Variants in MCF2L2 observed in about 807,000 individuals in gnomAD.
MCF2L2 encodes MCF.2 cell line derived transforming sequence-like 2.
In MCF2L2, 102 loss-of-function variants were observed where a neutral mutation model predicts 150.2. The ratio of observed to expected loss-of-function variants is 0.68; its 90% CI spans 0.58 to 0.80. The LOEUF (loss-of-function observed/expected upper bound fraction) is 0.80, where lower values mean the gene tolerates loss of function less well. Among genes scored for constraint, MCF2L2 ranks in the 30% least tolerant of loss-of-function variants. The pLI is 0.00. For missense variants in MCF2L2, 1,256 were observed against 1,372.8 expected (o/e 0.91, Z 1.34); for synonymous variants, 465 against 491.3 (o/e 0.95, Z 0.71).
At chr3:183,396,199 TTA>T (rs1016943431) in intron 1 of MCF2L2, among the ~76,000 whole-genome samples, 5 of 152,110 alleles carry the variant, frequency 3.3e-5, no homozygotes, top group South Asian at 2.1e-4. Context: ...AGCTCTTGGT[TTA>T]TGTCCTCAAA....
At chr3:183,381,890 A>G (rs1577109052) in intron 2 of MCF2L2, among the ~76,000 whole-genome samples, 1 of 152,188 alleles carries the variant, frequency 6.6e-6, no homozygotes, top group East Asian at 1.9e-4. Flanking sequence ...AGAAATGTGC[A>G]TTCAGAGAAT....
Position 183,277,076 on chromosome 3 carries a change from C to A in MCF2L2, c.1777-119G>T. 6.2e-6 allele frequency: 4 copies of A among 646,694 alleles called. No individual in the cohort carries two copies. The South Asian group carries it at 8.0e-5, about 13-fold the overall frequency. The allele number at this position is 646,694 out of a possible 1,614,324, so 40.1% of individuals were successfully genotyped here. A position where few individuals can be genotyped will look rare whatever the true frequency, so the allele number is the denominator to read the frequency against. ...TTGAGTCTCTCGATAAGCAAAATAT[C>A]CAGTTTCTCATGCCGCTTTCTCAGG... On this transcript the variant is annotated intron_variant, in intron 14 of 29. Transcript: ENST00000328913.
At chr3:183,377,129 C>T (rs1419556891) in intron 3 of MCF2L2, 1 of 152,146 alleles carries the variant, frequency 6.6e-6, no homozygotes, top group Non-Finnish European at 1.5e-5. Context: ...CACCTGTCAA[C>T]CCATCATCCA....
chr3:183,423,796 G>A (rs867812486), intron 1 of MCF2L2, among the ~76,000 whole-genome samples: 1 of 151,900 alleles, frequency 6.6e-6, no homozygotes, highest in Non-Finnish European at 1.5e-5. Context: ...GCATCACCAC[G>A]CCTGGCTAAT....
In MCF2L2 at chr3:183,323,051, A is replaced by G. The variant is rs146592681; in HGVS notation, c.603+184T>C. ...GATGCAGTGGGGTAAGGTGGTCAAC[A>G]GGAGAAATCCCAGCCTTCGCCCTTC... On this transcript the variant is annotated intron_variant, in intron 6 of 29. Coordinates refer to ENST00000328913, the MANE Select transcript of MCF2L2 (RefSeq NM_015078.4). 1.6e-3 allele frequency among the ~76,000 whole-genome samples: 243 copies of G among 152,308 alleles called. 1 individual carries two copies. The highest frequency in any genetic ancestry group is 0.01 in the Middle Eastern group (3 of 294).
intron 3 of MCF2L2, among the ~76,000 whole-genome samples, chr3:183,364,464 G>A (rs1169097958): frequency 6.6e-6 from 1 of 152,042 alleles, no homozygotes; most frequent in Non-Finnish European, 1.5e-5. Context: ...AGCTTGCAGT[G>A]AGCCAAGATC....
chr3:183,394,184 T>C (rs758408701), intron 1 of MCF2L2, among the ~76,000 whole-genome samples: 1 of 152,122 alleles, frequency 6.6e-6, no homozygotes, highest in Non-Finnish European at 1.5e-5. Flanking sequence ...TCAAACTAGA[T>C]CTCAACAACT....
intron 2 of MCF2L2, among the ~76,000 whole-genome samples, chr3:183,387,308 T>G (rs1300877489): frequency 6.7e-6 from 1 of 148,906 alleles, no homozygotes; most frequent in Non-Finnish European, 1.5e-5. Context: ...CAAACTTAAA[T>G]GACAAAAGGA....
At chr3:183,409,561 T>C (rs2108620456) in intron 1 of MCF2L2, among the ~76,000 whole-genome samples, 1 of 150,650 alleles carries the variant, frequency 6.6e-6, no homozygotes, top group Admixed American at 6.6e-5. Flanking sequence ...CTTTTTTTTT[T>C]TTTTTTTTTT....
intron 4 of MCF2L2, among the ~76,000 whole-genome samples, chr3:183,340,489 A>T (rs551890585): frequency 6.6e-6 from 1 of 152,256 alleles, no homozygotes; most frequent in African/African-American, 2.4e-5. Context: ...GGAAGGACAC[A>T]TCTACTTGCT....
At chr3:183,272,208 T>C (rs570717245) in intron 15 of MCF2L2, 1 of 999,986 alleles carries the variant, frequency 1.0e-6, no homozygotes, top group African/African-American at 1.7e-5. Context: ...GTAAGTTACA[T>C]TTATTTTACA....
chr3:183,422,599 A>T (rs1394567062), intron 1 of MCF2L2, among the ~76,000 whole-genome samples: 1 of 152,048 alleles, frequency 6.6e-6, no homozygotes, highest in Non-Finnish European at 1.5e-5. Flanking sequence ...AGCAACTTGG[A>T]GTTAGAGAAG....
chr3:183,428,549 G>T lies in MCF2L2; in HGVS notation c.-572C>A, dbSNP rs1280494122. 6.6e-6 allele frequency: 1 copy of T among 152,562 alleles called. No individual in the cohort carries two copies. Among genetic ancestry groups the T allele is most frequent in the South Asian group, 2.1e-4 (1 of 4,832 alleles). The allele number at this position is 152,562 out of a possible 1,614,324, so 9.5% of individuals were successfully genotyped here. A position where few individuals can be genotyped will look rare whatever the true frequency, so the allele number is the denominator to read the frequency against. On this transcript the variant is annotated 5_prime_UTR_variant, in exon 1 of 30. Coordinates refer to ENST00000328913, the MANE Select transcript of MCF2L2 (RefSeq NM_015078.4). This position sits in a 1 kb window ranked among gnomAD's most constrained non-coding sequence, Gnocchi z 5.1. ...AACGCTGCGCACCTTTCCCTGCGGG[G>T]AGCCCGCGCTCCACCCCCGGAGTGG...
intron 3 of MCF2L2, chr3:183,377,100 G>T (rs1007218659): frequency 6.6e-6 from 1 of 152,138 alleles, no homozygotes; most frequent in African/African-American, 2.4e-5. Flanking sequence ...AGGTATACAT[G>T]TGCCACAGTG....
intron 15 of MCF2L2, among the ~76,000 whole-genome samples, chr3:183,263,663 G>A (rs1399281909): frequency 6.6e-6 from 1 of 152,010 alleles, no homozygotes; most frequent in African/African-American, 2.4e-5. Context: ...CTCCAGTCCT[G>A]TCTAACTCGT....
At position 183,295,286 on chromosome 3, in the gene MCF2L2, C is replaced by T. The variant is rs778964687; in HGVS notation, c.1675+14G>A. On this transcript the variant is annotated intron_variant, in intron 13 of 29. Transcript: ENST00000328913. The stretch of plus-strand genomic sequence containing the variant: ...CACAAAAGCCACAAAGCTTCTTTTC[C>T]TCAAATAACCTACCCGAGGTGGAGG... The T allele has an allele frequency of 3.8e-6, 6 of 1,588,408 alleles. No individual in the cohort carries two copies. Among genetic ancestry groups the T allele is most frequent in the Non-Finnish European group, 5.1e-6 (6 of 1,169,718 alleles).
intron 20 of MCF2L2, among the ~76,000 whole-genome samples, chr3:183,222,691 G>T (rs751223671): frequency 6.6e-6 from 1 of 152,156 alleles, no homozygotes; most frequent in Non-Finnish European, 1.5e-5. Flanking sequence ...CCTTATAGAG[G>T]TTAATTCAAC....
At chr3:183,253,201 G>C (rs1450403414) in intron 15 of MCF2L2, 4 of 150,866 alleles carry the variant, frequency 2.7e-5, no homozygotes, top group Non-Finnish European at 4.4e-5. Context: ...AGAGTGCGGG[G>C]CGCGCGGCTG....
chr3:183,260,289 A>G (rs556145771), intron 15 of MCF2L2, among the ~76,000 whole-genome samples: 2 of 152,288 alleles, frequency 1.3e-5, no homozygotes, highest in African/African-American at 4.8e-5. Flanking sequence ...GGCCTGGTAT[A>G]TAGTAGACAT....
Sources: gnomAD v4.1 joint callset for allele counts (sites outside exome capture counted in the v4.1 genomes callset) on GRCh38, gnomAD v4.1.1 for gene constraint, Gnocchi (gnomAD v3.1) non-coding constraint, MANE v1.5 for transcripts, NCBI Gene and HGNC (gene_info 2026-07-23, HGNC 2026-07-21) for gene names.